CYRIB: variants seen among roughly 807,000 people sequenced by gnomAD.
CYRIB encodes CYFIP related Rac1 interactor B.
CYRIB carries 8 observed loss-of-function variants against 44.2 expected under a neutral mutation model. That is an observed-to-expected ratio of 0.18 (90% CI 0.11 to 0.33). The LOEUF (loss-of-function observed/expected upper bound fraction) is 0.33, where lower values mean the gene tolerates loss of function less well. CYRIB is among the 10% of genes least tolerant of loss of function. CYRIB has a pLI of 1.00. For synonymous variants in CYRIB, 131 were observed against 127.2 expected, an observed-to-expected ratio of 1.03 and a Z score of -0.20; for missense variants, 185 against 382.8, an observed-to-expected ratio of 0.48 and a Z score of 4.31.
At chr8:129,904,512 T>A (rs1451971404) in intron 1 of CYRIB, 4 of 152,158 alleles carry the variant, frequency 2.6e-5, no homozygotes, top group African/African-American at 9.7e-5. Flanking sequence ...TGGATTGGCG[T>A]TCCCTCTTTC....
At chr8:129,882,585 T>C (rs2061181076) in intron 2 of CYRIB, among the ~76,000 whole-genome samples, 1 of 152,202 alleles carries the variant, frequency 6.6e-6, no homozygotes. Context: ...TAAAATTAGT[T>C]CTATTAACAT....
rs1472391549 is a variant in CYRIB, at chr8:129,854,863, A to G, written c.439-520T>C. Reference sequence around the variant, plus strand: ...TGTGGCAGAGTATAAACTGGAACTCAGGTCTCTTGATATGAGACCTAGTGC... The same window carrying G: ...TGTGGCAGAGTATAAACTGGAACTCGGGTCTCTTGATATGAGACCTAGTGC... On this transcript the variant is annotated intron_variant, in intron 6 of 11. Coordinates refer to ENST00000519824, the Ensembl canonical transcript of CYRIB. 2.6e-5 allele frequency among the ~76,000 whole-genome samples: 4 copies of G among 152,206 alleles called. No individual in the cohort carries two copies. The East Asian group carries it at 7.7e-4, about 29-fold the overall frequency.
At chr8:129,878,983 A>C (rs2060011355) in intron 3 of CYRIB, among the ~76,000 whole-genome samples, 1 of 152,178 alleles carries the variant, frequency 6.6e-6, no homozygotes, top group African/African-American at 2.4e-5. Flanking sequence ...GAAATACTTA[A>C]ATATGTACCC....
At chr8:129,962,976 T>C (rs1354694250) in intron 2 of CYRIB, among the ~76,000 whole-genome samples, 1 of 152,180 alleles carries the variant, frequency 6.6e-6, no homozygotes, top group African/African-American at 2.4e-5. Flanking sequence ...TGATCCAAGA[T>C]GGCCAATCAG....
At chr8:129,857,672 T>C (rs1159062710) in intron 5 of CYRIB, among the ~76,000 whole-genome samples, 2 of 152,178 alleles carry the variant, frequency 1.3e-5, no homozygotes, top group African/African-American at 4.8e-5. Flanking sequence ...GGATGGTGTA[T>C]CAAGGTGTAA....
chr8:129,924,620 A>G (rs2086336675), intron 1 of CYRIB, among the ~76,000 whole-genome samples: 1 of 152,144 alleles, frequency 6.6e-6, no homozygotes, highest in Admixed American at 6.5e-5. Context: ...CATTTAGGCT[A>G]ATGATCATGA....
intron 2 of CYRIB, among the ~76,000 whole-genome samples, chr8:129,899,484 T>C (rs2070292315): frequency 6.6e-6 from 1 of 152,226 alleles, no homozygotes; most frequent in South Asian, 2.1e-4. Flanking sequence ...TAACTAAGTA[T>C]GCCATTAATT....
chr8:129,930,893 A>G (rs2091022343), intron 1 of CYRIB, among the ~76,000 whole-genome samples: 2 of 152,198 alleles, frequency 1.3e-5, no homozygotes, highest in East Asian at 1.9e-4. Flanking sequence ...AAATTCACGT[A>G]TGCTTTAACC....
intron 2 of CYRIB, among the ~76,000 whole-genome samples, chr8:129,897,589 T>TA (rs2068719499): frequency 6.7e-6 from 1 of 149,398 alleles, no homozygotes; most frequent in Non-Finnish European, 1.5e-5. Flanking sequence ...ATCTCCTATC[T>TA]AGTAATGCCA....
chr8:129,892,550 T>C (rs1427651179), intron 2 of CYRIB, among the ~76,000 whole-genome samples: 1 of 152,094 alleles, frequency 6.6e-6, no homozygotes, highest in Non-Finnish European at 1.5e-5. Context: ...AAAATAAATA[T>C]ATGCCAATAG....
At chr8:129,900,620 A>G (rs928185245) in intron 2 of CYRIB, among the ~76,000 whole-genome samples, 1 of 152,156 alleles carries the variant, frequency 6.6e-6, no homozygotes, top group African/African-American at 2.4e-5. Flanking sequence ...TATCTTTCCT[A>G]TGGCAATGAT....
chr8:129,968,145 C>T (rs1281654647), intron 2 of CYRIB, among the ~76,000 whole-genome samples: 1 of 152,122 alleles, frequency 6.6e-6, no homozygotes, highest in African/African-American at 2.4e-5. Context: ...TAATTTTGTT[C>T]TAAGGAGTAA....
At chr8:130,012,115 A>G (rs1321461757) in intron 1 of CYRIB, among the ~76,000 whole-genome samples, 1 of 152,136 alleles carries the variant, frequency 6.6e-6, no homozygotes, top group African/African-American at 2.4e-5. Flanking sequence ...TCTTTAAGCA[A>G]ACCTCCTCAT....
At chr8:129,844,297 T>A (rs1185265483) in intron 11 of CYRIB, 1 of 152,274 alleles carries the variant, frequency 6.6e-6, no homozygotes, top group East Asian at 1.9e-4. Flanking sequence ...GATGTGATCT[T>A]GGCTTCCTTC....
intron 2 of CYRIB, among the ~76,000 whole-genome samples, chr8:129,882,576 A>C (rs1388365989): frequency 6.6e-6 from 1 of 152,214 alleles, no homozygotes; most frequent in African/African-American, 2.4e-5. Flanking sequence ...GAAATGTCCT[A>C]AAATTAGTTC....
intron 1 of CYRIB, among the ~76,000 whole-genome samples, chr8:129,905,712 T>G (rs1178770198): frequency 6.6e-6 from 1 of 152,144 alleles, no homozygotes; most frequent in East Asian, 1.9e-4. Context: ...CTGACCACTT[T>G]TATAAACCAC....
At chr8:129,953,775 A>T (rs1385258288) in intron 2 of CYRIB, among the ~76,000 whole-genome samples, 1 of 152,152 alleles carries the variant, frequency 6.6e-6, no homozygotes, top group Non-Finnish European at 1.5e-5. Context: ...GGAACCAGGG[A>T]ATCAGATAAG....
chr8:129,859,080 G>T (rs540120012), intron 5 of CYRIB, among the ~76,000 whole-genome samples: 1 of 152,228 alleles, frequency 6.6e-6, no homozygotes, highest in South Asian at 2.1e-4. Context: ...AGGCTGCACT[G>T]ATATTTATTG....
intron 1 of CYRIB, among the ~76,000 whole-genome samples, chr8:129,907,694 G>T (rs1322258494): frequency 3.3e-5 from 5 of 152,154 alleles, no homozygotes; most frequent in Non-Finnish European, 7.4e-5. Context: ...CAGCTCTGTA[G>T]TATTTCAAAT....
Sources: allele counts gnomAD v4.1 joint callset (sites outside exome capture counted in the v4.1 genomes callset), GRCh38; gene constraint gnomAD v4.1.1; transcripts MANE v1.5; gene names NCBI Gene and HGNC (gene_info 2026-07-23, HGNC 2026-07-21).